SERPINI1: variants seen among roughly 807,000 people sequenced by gnomAD.
SERPINI1 encodes neuroserpin.
In SERPINI1, 19 loss-of-function variants were observed where a neutral mutation model predicts 41.1. The observed-to-expected ratio is 0.46, with a 90% CI of 0.32 to 0.68. The LOEUF (loss-of-function observed/expected upper bound fraction) is 0.68, where lower values mean the gene tolerates loss of function less well. Ranked by LOEUF, SERPINI1 falls within the 30% of genes least tolerant of loss-of-function variation. The pLI, the probability that SERPINI1 is intolerant of heterozygous loss-of-function variation, is 0.03. For missense variants in SERPINI1, 460 were observed against 479.2 expected (o/e 0.96, Z 0.37); for synonymous variants, 138 against 156.6 (o/e 0.88, Z 0.89).
chr3:167,779,206 AT>A (rs1179742414), intron 1 of SERPINI1, among the ~76,000 whole-genome samples: 4 of 152,212 alleles, frequency 2.6e-5, no homozygotes, highest in Non-Finnish European at 4.4e-5. Flanking sequence ...TAGCTTAAAA[AT>A]TTTTTTAAAC....
At chr3:167,755,822 G>A (rs1289711352) in intron 1 of SERPINI1, among the ~76,000 whole-genome samples, 4 of 132,852 alleles carry the variant, frequency 3.0e-5, no homozygotes, top group Non-Finnish European at 6.2e-5. Context: ...TTTTGGCTGT[G>A]GTCCGTCCTG....
chr3:167,741,923 A>G (rs1201553071), intron 1 of SERPINI1, among the ~76,000 whole-genome samples: 2 of 138,456 alleles, frequency 1.4e-5, no homozygotes, highest in Non-Finnish European at 2.9e-5. Context: ...GAAACTTTTA[A>G]AAAAATTATA....
Position 167,782,393 on chromosome 3 carries a change from G to A in SERPINI1, c.-18-6718G>A, listed in dbSNP as rs1727161475. Among the ~76,000 whole-genome samples, 3 of 152,124 alleles carry A rather than the reference G, an allele frequency of 2.0e-5. No individual in the cohort carries two copies. In the South Asian group the frequency reaches 6.2e-4, roughly 32 times the overall value. On this transcript the variant is annotated intron_variant, in intron 1 of 8. Transcript: ENST00000446050. Reference sequence around the variant, plus strand: ...TTTTTCAAAGAGAAGAAAAAATTGAGCTGCTACCCCTGGGCTCAAAGTAGA... The same window carrying A: ...TTTTTCAAAGAGAAGAAAAAATTGAACTGCTACCCCTGGGCTCAAAGTAGA...
intron 1 of SERPINI1, among the ~76,000 whole-genome samples, chr3:167,783,706 A>G (rs1341529109): frequency 1.3e-5 from 2 of 152,186 alleles, no homozygotes; most frequent in Non-Finnish European, 2.9e-5. Context: ...ACCACCCAAC[A>G]TTCAGGAGAA....
intron 1 of SERPINI1, among the ~76,000 whole-genome samples, chr3:167,770,477 G>A (rs190088484): frequency 6.6e-6 from 1 of 151,988 alleles, no homozygotes; most frequent in East Asian, 1.9e-4. Flanking sequence ...GCTTTTTAAT[G>A]CATTTTAGTA....
At chr3:167,813,917 G>A (rs1560017136) in intron 6 of SERPINI1, among the ~76,000 whole-genome samples, 1 of 152,006 alleles carries the variant, frequency 6.6e-6, no homozygotes, top group Non-Finnish European at 1.5e-5. Flanking sequence ...CCCTTCTTTG[G>A]GTCCTTAAGC....
At chr3:167,814,135 T>A (rs1711988227) in intron 6 of SERPINI1, among the ~76,000 whole-genome samples, 1 of 152,212 alleles carries the variant, frequency 6.6e-6, no homozygotes, top group Admixed American at 6.5e-5. Flanking sequence ...TCTTGTTAGC[T>A]TAGTTATACT....
At position 167,789,294 on chromosome 3, in the gene SERPINI1, G is replaced by T. The variant is rs1050971384; in HGVS notation, c.166G>T (p.Ala56Ser). The change falls in exon 2 of 9, where the codon GCA (alanine) becomes TCA (serine). Residue 56 changes from alanine (A) to serine (S), a missense_variant. Coordinates refer to ENST00000446050, the MANE Select transcript of SERPINI1 (RefSeq NM_001122752.2). ...CTTCTCTCCATTGAGTATTGCTCTT[G>T]CAATGGGAATGATGGAACTTGGGGC... ...ILFSPLSIAL[A>S]MGMMELGAQG... 1.6e-5 allele frequency: 26 copies of T among 1,614,044 alleles called. No individual in the cohort carries two copies. Among genetic ancestry groups the T allele is most frequent in the Non-Finnish European group, 1.9e-5 (23 of 1,180,006 alleles).
At chr3:167,815,113 A>C (rs1426819264) in intron 6 of SERPINI1, among the ~76,000 whole-genome samples, 1 of 152,118 alleles carries the variant, frequency 6.6e-6, no homozygotes, top group Non-Finnish European at 1.5e-5. Context: ...GGTGTTGTGC[A>C]TAAGATAAGT....
chr3:167,772,893 TACACACACACAC>T (rs71176658), intron 1 of SERPINI1, among the ~76,000 whole-genome samples: 554 of 52,104 alleles, frequency 0.011, 25 homozygotes, highest in African/African-American at 0.047. Flanking sequence ...TATATATATA[TACACACACACAC>T]ACACACACAC....
Position 167,824,420 on chromosome 3 carries a change from C to T in SERPINI1, c.1067-53C>T, listed in dbSNP as rs1712447689. The T allele has an allele frequency of 2.0e-5, 27 of 1,328,590 alleles. No individual in the cohort carries two copies. In the South Asian group the frequency reaches 3.2e-4, roughly 16 times the overall value. The allele number at this position is 1,328,590 out of a possible 1,614,324, so 82.3% of individuals were successfully genotyped here. On this transcript the variant is annotated intron_variant, in intron 7 of 8. Transcript: ENST00000446050. ...GCATAGATGGTTTTGAGGAATTACT[C>T]ATTAGTCTCTGCACATCCACAGACA...
intron 5 of SERPINI1, among the ~76,000 whole-genome samples, chr3:167,795,266 T>C (rs1348871358): frequency 6.6e-6 from 1 of 152,148 alleles, no homozygotes; most frequent in East Asian, 1.9e-4. Context: ...TGCAAGCAAG[T>C]CACTGTGCTA....
chr3:167,793,576 A>G, intron 4 of SERPINI1, among the ~76,000 whole-genome samples: 1 of 96,376 alleles, frequency 1.0e-5, no homozygotes, highest in Non-Finnish European at 2.2e-5. Flanking sequence ...TTCTCTACAA[A>G]TATATATATA....
chr3:167,822,901 G>C (rs1237949021), intron 6 of SERPINI1, 85 bp from the exon 7 acceptor site: 2 of 766,348 alleles, frequency 2.6e-6, no homozygotes, highest in Non-Finnish European at 4.7e-6. Flanking sequence ...CAGTCTCTTA[G>C]ATCTCTAAAA....
intron 6 of SERPINI1, among the ~76,000 whole-genome samples, chr3:167,821,009 GTCTC>G (rs749866428): frequency 2.2e-4 from 34 of 151,554 alleles, no homozygotes; most frequent in Non-Finnish European, 2.2e-4. Flanking sequence ...CCCACTGTGG[GTCTC>G]CTCTCTGCTA....
At chr3:167,786,349 A>G (rs1727307001) in intron 1 of SERPINI1, among the ~76,000 whole-genome samples, 1 of 148,318 alleles carries the variant, frequency 6.7e-6, no homozygotes, top group Admixed American at 6.7e-5. Context: ...CTAAAAATAC[A>G]AAAAAAAAAT....
At chr3:167,760,077 C>T (rs1187755093) in intron 1 of SERPINI1, among the ~76,000 whole-genome samples, 11 of 151,944 alleles carry the variant, frequency 7.2e-5, no homozygotes, top group Non-Finnish European at 1.0e-4. Context: ...CTCATCATAC[C>T]TTTGAACACG....
chr3:167,776,397 G>A (rs1726970088), intron 1 of SERPINI1, among the ~76,000 whole-genome samples: 2 of 152,204 alleles, frequency 1.3e-5, no homozygotes, highest in South Asian at 4.1e-4. Context: ...CCAGCTCACT[G>A]GGTTTTGTTG....
chr3:167,770,705 T>C (rs928529932), intron 1 of SERPINI1, among the ~76,000 whole-genome samples: 1 of 152,200 alleles, frequency 6.6e-6, no homozygotes, highest in South Asian at 2.1e-4. Flanking sequence ...TTTTCCACAA[T>C]TGTCTCAATT....
Sources: allele counts gnomAD v4.1 joint callset (sites outside exome capture counted in the v4.1 genomes callset), GRCh38; gene constraint gnomAD v4.1.1; transcripts MANE v1.5; gene names NCBI Gene and HGNC (gene_info 2026-07-23, HGNC 2026-07-21).